TMC2: variants seen among roughly 807,000 people sequenced by gnomAD.
The protein encoded by TMC2 is transmembrane channel-like protein 2.
Under a neutral mutation model 105.9 loss-of-function variants are expected in TMC2, and 102 were observed. The observed-to-expected ratio is 0.96, with a 90% CI of 0.82 to 1.14. The LOEUF is 1.14. TMC2 is among the 50% of genes most tolerant of loss of function. The pLI, the probability that TMC2 is intolerant of heterozygous loss-of-function variation, is 0.00. For synonymous variants in TMC2, 402 were observed against 422.8 expected (o/e 0.95, Z 0.60); for missense variants, 1,093 against 1,134.3 (o/e 0.96, Z 0.52).
chr20:2,635,635 G>A (rs557795231), intron 17 of TMC2, among the ~76,000 whole-genome samples: 1 of 152,276 alleles, frequency 6.6e-6, no homozygotes, highest in South Asian at 2.1e-4. Context: ...AGTAAACCCT[G>A]CCACCCTCTG....
chr20:2,595,108 A>G, intron 9 of TMC2, 141 bp downstream of exon 9: 1 of 976,812 alleles, frequency 1.0e-6, no homozygotes, highest in East Asian at 2.5e-5. Flanking sequence ...GCACATTATA[A>G]TTTGTGGTAT....
At chr20:2,584,063 T>TA (rs147594473) in intron 7 of TMC2, among the ~76,000 whole-genome samples, 1,879 of 152,236 alleles carry the variant, frequency 0.012, 51 homozygotes, top group African/African-American at 0.043. Flanking sequence ...AAGCTGTGCT[T>TA]TAGGTTTACA....
At position 2,632,316 on chromosome 20, in the gene TMC2, A is replaced by G. The variant is rs547709949; in HGVS notation, c.2307-3610A>G. ...CAGTTATTGTAGATTTCAACTCCAG[A>G]ATTTCTATTTGGTTATTTTATTTAT... On this transcript the variant is annotated intron_variant, in intron 17 of 19. Transcript: ENST00000358864. 2.0e-4 allele frequency among the ~76,000 whole-genome samples: 30 copies of G among 152,104 alleles called. 1 individual carries two copies. The South Asian group carries it at 6.2e-3, about 32-fold the overall frequency.
At chr20:2,609,592 T>A (rs80126280) in intron 11 of TMC2, among the ~76,000 whole-genome samples, 1 of 152,162 alleles carries the variant, frequency 6.6e-6, no homozygotes, top group Non-Finnish European at 1.5e-5. Flanking sequence ...CCATGAGAGC[T>A]GAAGAGGCAG....
intron 7 of TMC2, among the ~76,000 whole-genome samples, chr20:2,581,148 T>G (rs2086186624): frequency 1.3e-5 from 2 of 150,838 alleles, no homozygotes; most frequent in South Asian, 2.1e-4. Context: ...CAATTCTATC[T>G]GCAGTTACAT....
intron 2 of TMC2, among the ~76,000 whole-genome samples, chr20:2,542,455 G>A (rs913388835): frequency 6.6e-6 from 1 of 152,144 alleles, no homozygotes; most frequent in Non-Finnish European, 1.5e-5. Context: ...ATAGGAGAGG[G>A]AGACCCCTTC....
At chr20:2,637,126 C>T (rs1345255261) in intron 18 of TMC2, among the ~76,000 whole-genome samples, 3 of 151,928 alleles carry the variant, frequency 2.0e-5, no homozygotes, top group African/African-American at 4.8e-5. Context: ...TGGTGGCTCA[C>T]GCCTGTAATC....
At chr20:2,579,840 TC>T (rs1823173831) in intron 6 of TMC2, 109 bp from the exon 7 acceptor site, 2 of 645,574 alleles carry the variant, frequency 3.1e-6, no homozygotes, top group Non-Finnish European at 5.5e-6. Flanking sequence ...GATCCAGGTG[TC>T]ATTCAACAGA....
At position 2,589,270 on chromosome 20, in the gene TMC2, C is replaced by CTGTGTGTGTGTGTGTGTGTGTGTGTG. The variant is rs750496572; in HGVS notation, c.835-3011_835-2986dup. Among the ~76,000 whole-genome samples the CTGTGTGTGTGTGTGTGTGTGTGTGTG allele has an allele frequency of 1.3e-3, 156 of 116,322 alleles. 2 individuals are homozygous for CTGTGTGTGTGTGTGTGTGTGTGTGTG. Among genetic ancestry groups the CTGTGTGTGTGTGTGTGTGTGTGTGTG allele is most frequent in the East Asian group, 5.4e-3 (18 of 3,360 alleles). 76.3% of individuals were successfully genotyped at this position (116,322 alleles called of 152,430 possible). A position where few individuals can be genotyped will look rare whatever the true frequency, so the allele number is the denominator to read the frequency against. ...TTTTCCAGATATCTTCCTATTTGCCCTGTGTGTGTGTGTGTGTGTGTGTGT... is the reference window on the plus strand; with the variant it reads ...TTTTCCAGATATCTTCCTATTTGCCCTGTGTGTGTGTGTGTGTGTGTGTGTGTGTGTGTGTGTGTGTGTGTGTGTGT... On this transcript the variant is annotated intron_variant, in intron 7 of 19. Transcript: ENST00000358864.
rs2086274506 is a variant in TMC2, at chr20:2,592,307, A to G, written c.835-3A>G. On this transcript the variant is annotated splice_region_variant and splice_polypyrimidine_tract_variant and intron_variant, in intron 7 of 19. Coordinates refer to ENST00000358864, the MANE Select transcript of TMC2 (RefSeq NM_080751.3). The surrounding 1 kb of genome is among the most constrained non-coding windows in gnomAD (Gnocchi z 4.9). ...TACTTGTGTCATTGTGTTTCTGCAC[A>G]AGGTACTGATGGGCATGCCCTATGG... 1.2e-6 allele frequency: 2 copies of G among 1,606,016 alleles called. No homozygotes were observed. The highest frequency in any genetic ancestry group is 2.2e-5 in the East Asian group (1 of 44,818).
chr20:2,636,063 G>C, intron 18 of TMC2, 59 bp downstream of exon 18: 1 of 1,480,498 alleles, frequency 6.8e-7, no homozygotes, highest in Non-Finnish European at 9.4e-7. Flanking sequence ...TTTGGTTTTT[G>C]CTAATTTGCT....
At chr20:2,555,795 G>C (rs1313276823) in intron 2 of TMC2, among the ~76,000 whole-genome samples, 1 of 152,040 alleles carries the variant, frequency 6.6e-6, no homozygotes, top group East Asian at 1.9e-4. Flanking sequence ...TCCTTTGTTA[G>C]CATATTAATT....
At chr20:2,551,483 C>G (rs906769020) in intron 2 of TMC2, among the ~76,000 whole-genome samples, 7 of 151,300 alleles carry the variant, frequency 4.6e-5, no homozygotes, top group African/African-American at 1.7e-4. Context: ...CAATTTTTCT[C>G]TTTAATGGAT....
intron 17 of TMC2, among the ~76,000 whole-genome samples, chr20:2,631,781 T>C (rs541759463): frequency 5.3e-5 from 8 of 152,026 alleles, no homozygotes; most frequent in Admixed American, 5.2e-4. Context: ...TTTGTTGAGC[T>C]TCCTGTGTAA....
At chr20:2,588,693 G>GTGTGTGTA (rs2086247629) in intron 7 of TMC2, among the ~76,000 whole-genome samples, 3 of 147,972 alleles carry the variant, frequency 2.0e-5, no homozygotes. Context: ...ATGTGTCTTT[G>GTGTGTGTA]TGTGTGTGTG....
Position 2,606,890 on chromosome 20 carries a change from TC to T in TMC2, c.1414-3528del, listed in dbSNP as rs1357265892. 8.5e-3 allele frequency among the ~76,000 whole-genome samples: 845 copies of T among 99,544 alleles called. 28 individuals are homozygous for T. Among genetic ancestry groups the T allele is most frequent in the African/African-American group, 0.043 (766 of 17,736 alleles). The allele number at this position is 99,544 out of a possible 152,430, so 65.3% of individuals were successfully genotyped here. A position where few individuals can be genotyped will look rare whatever the true frequency, so the allele number is the denominator to read the frequency against. On this transcript the variant is annotated intron_variant, in intron 11 of 19. Transcript: ENST00000358864. ...TATAGTTTTCCCTTAATTTCTTTTTTCTTTTTTTTTTTTTTTTTTTGCAGTA... is the reference window on the plus strand; with the variant it reads ...TATAGTTTTCCCTTAATTTCTTTTTTTTTTTTTTTTTTTTTTTTTGCAGTA...
In TMC2 at chr20:2,617,226, C is replaced by T. The variant is rs376145972; in HGVS notation, c.2095C>T (p.Leu699=). Reference sequence around the variant, plus strand: ...ATCCAACAACTTCTACATGGGCCTCCTGCTGCTGGTGCTCTTCCTCAGCCT... The same window carrying T: ...ATCCAACAACTTCTACATGGGCCTCTTGCTGCTGGTGCTCTTCCTCAGCCT... The part of the protein sequence containing the change: ...SRSNNFYMGL[L]LLVLFLSLLP... Residue 699 remains leucine, a synonymous_variant, in exon 16 of 20, where the codon CTG becomes TTG. Coordinates refer to ENST00000358864, the MANE Select transcript of TMC2 (RefSeq NM_080751.3). 9.3e-6 allele frequency: 15 copies of T among 1,614,104 alleles called. No homozygotes were observed. In the Admixed American group the frequency reaches 2.3e-4, roughly 25 times the overall value.
In TMC2 at chr20:2,637,573, C is replaced by T; in HGVS notation, c.2485C>T (p.Leu829Phe). ...AAGCAGCTCCAAAAATGCCACCCAG[C>T]TCCAACTCACCAAGGAAGGTAAGCT... is the stretch of plus-strand genomic sequence containing the variant. Reference protein sequence around the residue: ...PKSSSKNATQLQLTKEETTPP... With the variant: ...PKSSSKNATQFQLTKEETTPP... Residue 829 changes from leucine to phenylalanine, a missense_variant, in exon 19 of 20, where the codon CTC (leucine) becomes TTC (phenylalanine). Physicochemically the swap from Leu to Phe is conservative, Grantham distance 22 (BLOSUM62 0). Coordinates refer to ENST00000358864, the MANE Select transcript of TMC2 (RefSeq NM_080751.3). 2.5e-6 allele frequency: 4 copies of T among 1,612,742 alleles called. No homozygotes were observed. The highest frequency in any genetic ancestry group is 3.4e-6 in the Non-Finnish European group (4 of 1,178,804).
intron 10 of TMC2, among the ~76,000 whole-genome samples, chr20:2,601,831 C>T (rs2086353725): frequency 6.6e-6 from 1 of 151,574 alleles, no homozygotes; most frequent in African/African-American, 2.4e-5. Context: ...AACTCTGTCT[C>T]AAAAAAGAAA....
Sources: allele counts gnomAD v4.1 joint callset (sites outside exome capture counted in the v4.1 genomes callset), GRCh38; gene constraint gnomAD v4.1.1; non-coding constraint Gnocchi (gnomAD v3.1); transcripts MANE v1.5; gene names NCBI Gene and HGNC (gene_info 2026-07-23, HGNC 2026-07-21).